Variants in DYNC1H1 observed in about 807,000 individuals in gnomAD.
The protein encoded by DYNC1H1 is cytoplasmic dynein 1 heavy chain 1.
DYNC1H1 carries 51 observed loss-of-function variants against 527.1 expected under a neutral mutation model. The ratio of observed to expected loss-of-function variants is 0.10; its 90% confidence interval spans 0.08 to 0.12. The LOEUF (loss-of-function observed/expected upper bound fraction) is 0.12, where lower values mean the gene tolerates loss of function less well. DYNC1H1 is among the 10% of genes least tolerant of loss of function. The pLI, the probability that DYNC1H1 is intolerant of heterozygous loss-of-function variation, is 1.00. For missense variants in DYNC1H1, 2,771 were observed against 5,971.8 expected (o/e 0.46, Z 17.66); for synonymous variants, 2,189 against 2,278.8 (o/e 0.96, Z 1.12).
Position 102,038,872 on chromosome 14 carries a change from T to C in DYNC1H1, c.11206+24T>C. The C allele has an allele frequency of 6.2e-7, 1 of 1,614,142 alleles. No individual in the cohort carries two copies. Among genetic ancestry groups the C allele is most frequent in the Non-Finnish European group, 8.5e-7 (1 of 1,180,038 alleles). ...AGGTAGGATCTGGACCTGTGGCTTT[T>C]AGATGGTTGGTGCAGGGGAAGGGGC... is the stretch of plus-strand genomic sequence containing the variant. On this transcript the variant is annotated intron_variant, in intron 59 of 77. Transcript: ENST00000360184. The surrounding 1 kb of genome is among the most constrained non-coding windows in gnomAD (Gnocchi z 7.2).
chr14:102,004,533 T>A lies in DYNC1H1; in HGVS notation c.4899T>A (p.Gly1633=), dbSNP rs781230275. The A allele has an allele frequency of 6.2e-7, 1 of 1,613,102 alleles. No individual in the cohort carries two copies. Among genetic ancestry groups the A allele is most frequent in the East Asian group, 2.2e-5 (1 of 44,868 alleles). The change falls in exon 24 of 78, where the codon GGT becomes GGA. Residue 1633 remains glycine, a synonymous_variant. Transcript: ENST00000360184. ...TTAATTTTAGGTTCTATTTTGTGGG[T>A]GATGAAGATTTGCTTGAAATCATTG... ...RSSFPRFYFV[G]DEDLLEIIGN...
chr14:101,973,886 C>G (rs1337258971), intron 1 of DYNC1H1, among the ~76,000 whole-genome samples: 1 of 152,162 alleles, frequency 6.6e-6, no homozygotes, highest in Non-Finnish European at 1.5e-5. Context: ...AAGCAAATAG[C>G]TTTTGCTCAG....
In DYNC1H1 at chr14:102,001,772, T is replaced by G. The variant is rs2048133371; in HGVS notation, c.4542+91T>G. The stretch of plus-strand genomic sequence containing the variant: ...TTCACTGACAGTTACTAGGTACCTG[T>G]TTTTTATTGTATTTTTTGAGACAGG... On this transcript the variant is annotated intron_variant, in intron 21 of 77. Transcript: ENST00000360184. The surrounding 1 kb of genome is among the most constrained non-coding windows in gnomAD (Gnocchi z 5.0). The G allele has an allele frequency of 6.4e-7, 1 of 1,561,020 alleles. No homozygotes were observed. Among genetic ancestry groups the G allele is most frequent in the Non-Finnish European group, 8.8e-7 (1 of 1,139,132 alleles).
At chr14:102,048,256 C>T (rs17512947) in intron 73 of DYNC1H1, 52 of 719,820 alleles carry the variant, frequency 7.2e-5, no homozygotes, top group African/African-American at 7.1e-4. Flanking sequence ...AGGCAGACAG[C>T]GCCACAGCGA....
In DYNC1H1 at chr14:101,997,924, A is replaced by AGCAGATGAGAGGGCGC. The variant is rs1233650434; in HGVS notation, c.3804+651_3804+666dup. 6.6e-6 allele frequency among the ~76,000 whole-genome samples: 1 copy of AGCAGATGAGAGGGCGC among 152,208 alleles called. No individual in the cohort carries two copies. Among genetic ancestry groups the AGCAGATGAGAGGGCGC allele is most frequent in the African/African-American group, 2.4e-5 (1 of 41,450 alleles). On this transcript the variant is annotated intron_variant, in intron 16 of 77. Coordinates refer to ENST00000360184, the MANE Select transcript of DYNC1H1 (RefSeq NM_001376.5). This position sits in a 1 kb window ranked among gnomAD's most constrained non-coding sequence, Gnocchi z 4.8. ...CAGGTGGTGGTGCTGCTGCGACAGA[A>AGCAGATGAGAGGGCGC]GCAGATGAGAGGGCGCTGGCTCAGT...
In DYNC1H1 at chr14:101,975,718, T is replaced by C. The variant is rs1199675729; in HGVS notation, c.263T>C (p.Val88Ala). ...TATTTATTATGATTTGTAGAGGACGTCGGTGATGAAGGAGAAGAAGAAAAA... is the reference window on the plus strand; with the variant it reads ...TATTTATTATGATTTGTAGAGGACGCCGGTGATGAAGGAGAAGAAGAAAAA... ...LVERSTLKED[V>A]GDEGEEEKEF... Residue 88 changes from valine to alanine, a missense_variant, in exon 2 of 78, where the codon GTC (valine) becomes GCC (alanine). Coordinates refer to ENST00000360184, the MANE Select transcript of DYNC1H1 (RefSeq NM_001376.5). The C allele has an allele frequency of 6.2e-7, 1 of 1,612,856 alleles. No homozygotes were observed. Among genetic ancestry groups the C allele is most frequent in the Admixed American group, 1.7e-5 (1 of 59,994 alleles).
At chr14:102,047,690 A>G in intron 72 of DYNC1H1, 127 bp from the exon 73 acceptor site, 1 of 879,374 alleles carries the variant, frequency 1.1e-6, no homozygotes, top group East Asian at 2.7e-5. Flanking sequence ...CACCTTCCAG[A>G]TTTTGCTGCA....
chr14:102,027,345 T>C lies in DYNC1H1; in HGVS notation c.8887-38T>C. The C allele has an allele frequency of 6.2e-7, 1 of 1,613,934 alleles. No individual in the cohort carries two copies. Among genetic ancestry groups the C allele is most frequent in the Non-Finnish European group, 8.5e-7 (1 of 1,179,996 alleles). On this transcript the variant is annotated intron_variant, in intron 45 of 77. Coordinates refer to ENST00000360184, the MANE Select transcript of DYNC1H1 (RefSeq NM_001376.5). The surrounding 1 kb of genome is among the most constrained non-coding windows in gnomAD (Gnocchi z 7.7). The stretch of plus-strand genomic sequence containing the variant: ...CAACAGATGTGTGTGCAGAGCTCAG[T>C]GAGTAGGAATGGACCTAACTTGCCT...
At position 102,039,200 on chromosome 14, in the gene DYNC1H1, C is replaced by T. The variant is rs2048613118; in HGVS notation, c.11406C>T (p.Leu3802=). ...QEVETVSQQY[L]PLSTACSSIY... ...TGGAGACCGTGTCCCAGCAGTACCT[C>T]CCGCTCTCCACCGCCTGCAGCAGCA... Residue 3802 remains leucine, a synonymous_variant, in exon 60 of 78, where the codon CTC becomes CTT. Transcript: ENST00000360184. The surrounding 1 kb of genome is among the most constrained non-coding windows in gnomAD (Gnocchi z 7.0). The T allele has an allele frequency of 6.2e-7, 1 of 1,613,998 alleles. No homozygotes were observed. The highest frequency in any genetic ancestry group is 8.5e-7 in the Non-Finnish European group (1 of 1,180,032).
At position 101,995,277 on chromosome 14, in the gene DYNC1H1, A is replaced by G; in HGVS notation, c.3541A>G (p.Lys1181Glu). ...TYVQSLKRKI[K>E]QFEKQVELYR... ...TGTGCAGTCTTTGAAACGGAAGATCAAGCAGTTTGAGAAGCAAGTTGAGGT... is the reference window on the plus strand; with the variant it reads ...TGTGCAGTCTTTGAAACGGAAGATCGAGCAGTTTGAGAAGCAAGTTGAGGT... Residue 1181 changes from lysine (K) to glutamate (E), a missense_variant, in exon 15 of 78, where the codon AAG becomes GAG. Lys to Glu is a moderately conservative substitution (Grantham distance 56). Coordinates refer to ENST00000360184, the MANE Select transcript of DYNC1H1 (RefSeq NM_001376.5). The G allele has an allele frequency of 6.2e-7, 1 of 1,614,210 alleles. No individual in the cohort carries two copies. The highest frequency in any genetic ancestry group is 8.5e-7 in the Non-Finnish European group (1 of 1,180,026).
rs2048782320 is a variant in DYNC1H1, at chr14:102,049,969, G to A, written c.13684+87G>A. ...TTGTTCCCAGATACATGCACTTAGG[G>A]TGACCGGCTGGCAGTTGGGTGGAGC... On this transcript the variant is annotated intron_variant, in intron 76 of 77. Transcript: ENST00000360184. This position sits in a 1 kb window ranked among gnomAD's most constrained non-coding sequence, Gnocchi z 5.5. 4.3e-6 allele frequency: 7 copies of A among 1,613,696 alleles called. No individual in the cohort carries two copies. The South Asian group carries it at 5.5e-5, about 13-fold the overall frequency.
In DYNC1H1 at chr14:102,017,207, A is replaced by G. The variant is rs2048333565; in HGVS notation, c.7968A>G (p.Gly2656=). The G allele has an allele frequency of 6.2e-7, 1 of 1,614,232 alleles. No homozygotes were observed. Among genetic ancestry groups the G allele is most frequent in the Non-Finnish European group, 8.5e-7 (1 of 1,180,048 alleles). The change falls in exon 39 of 78, where the codon GGA becomes GGG. Residue 2656 remains glycine (G), a synonymous_variant. Transcript: ENST00000360184. The surrounding 1 kb of genome is among the most constrained non-coding windows in gnomAD (Gnocchi z 4.6). ...TGGTTTTGGCTCCTGTTCAACTTGG[A>G]AAGTGGCTGGTGTTGTTCTGTGATG... ...NGVVLAPVQL[G]KWLVLFCDEI...
chr14:102,005,932 C>A lies in DYNC1H1; in HGVS notation c.5478C>A (p.Ile1826=). ...VHQRDVTRSL[I]KSKIDNAKSF... ...AGAGAGATGTTACAAGGTCCTTGATCAAAAGCAAGATTGACAACGCCAAAT... is the reference window on the plus strand; with the variant it reads ...AGAGAGATGTTACAAGGTCCTTGATAAAAAGCAAGATTGACAACGCCAAAT... The change falls in exon 27 of 78, where the codon ATC becomes ATA. Residue 1826 remains isoleucine, a synonymous_variant. Coordinates refer to ENST00000360184, the MANE Select transcript of DYNC1H1 (RefSeq NM_001376.5). The surrounding 1 kb of genome is among the most constrained non-coding windows in gnomAD (Gnocchi z 4.0). 1.2e-6 allele frequency: 2 copies of A among 1,614,226 alleles called. No individual in the cohort carries two copies. The highest frequency in any genetic ancestry group is 1.1e-5 in the South Asian group (1 of 91,084).
At position 102,012,464 on chromosome 14, in the gene DYNC1H1, A is replaced by G. The variant is rs766423624; in HGVS notation, c.7008A>G (p.Pro2336=). The G allele has an allele frequency of 3.7e-6, 6 of 1,614,168 alleles. No individual in the cohort carries two copies. The Admixed American group carries it at 6.7e-5, about 18-fold the overall frequency. The stretch of plus-strand genomic sequence containing the variant: ...CCAATGGAGAGCGCCTCAGTCTTCC[A>G]CCCAATGTAAGTAGCCTTTTGTATG... ...TLPNGERLSL[P]PNVRIMFEVQ... is the part of the protein sequence containing the mutation. The change falls in exon 34 of 78, where the codon CCA becomes CCG. Residue 2336 remains proline, a synonymous_variant. Transcript: ENST00000360184. This position sits in a 1 kb window ranked among gnomAD's most constrained non-coding sequence, Gnocchi z 4.9.
rs751856625 is a variant in DYNC1H1, at chr14:102,041,470, G to A, written c.11942-104G>A. 118 of 1,563,324 alleles carry A rather than the reference G, an allele frequency of 7.5e-5. No individual in the cohort carries two copies. Among genetic ancestry groups the A allele is most frequent in the Middle Eastern group, 2.3e-4 (1 of 4,430 alleles). On this transcript the variant is annotated intron_variant, in intron 64 of 77. Transcript: ENST00000360184. This position sits in a 1 kb window ranked among gnomAD's most constrained non-coding sequence, Gnocchi z 4.5. ...TGATTTGAGCTGATCCTGAAATGCT[G>A]AGCATTTGCTGAGTGGGTACTTTGG...
At chr14:102,026,982 C>T (rs912704257) in intron 44 of DYNC1H1, 192 bp from the exon 45 acceptor site, 3 of 811,198 alleles carry the variant, frequency 3.7e-6, no homozygotes, top group Non-Finnish European at 6.2e-6. Flanking sequence ...TCATGTCAGT[C>T]TAGAGGACAG....
At chr14:101,990,286 C>A (rs529076039) in intron 10 of DYNC1H1, among the ~76,000 whole-genome samples, 1 of 152,270 alleles carries the variant, frequency 6.6e-6, no homozygotes, top group South Asian at 2.1e-4. Context: ...GGTATCACTG[C>A]TTCAGTGGTG....
At chr14:102,032,876 A>C in intron 52 of DYNC1H1, 189 bp from the exon 53 acceptor site, 1 of 638,098 alleles carries the variant, frequency 1.6e-6, no homozygotes, top group Non-Finnish European at 2.7e-6. Context: ...AAAGAAAAAA[A>C]TTGTTCAAGT....
intron 1 of DYNC1H1, among the ~76,000 whole-genome samples, chr14:101,970,359 C>T (rs538641510): frequency 2.7e-5 from 4 of 149,930 alleles, no homozygotes; most frequent in Admixed American, 1.3e-4. Flanking sequence ...CAAGAGAAAG[C>T]GCCAGAGACA....
Sources: allele counts gnomAD v4.1 joint callset (sites outside exome capture counted in the v4.1 genomes callset), GRCh38; gene constraint gnomAD v4.1.1; non-coding constraint Gnocchi (gnomAD v3.1); transcripts MANE v1.5; gene names NCBI Gene and HGNC (gene_info 2026-07-23, HGNC 2026-07-21).